The following INO80E variants were observed in gnomAD, a reference collection of about 807,000 sequenced individuals.
INO80E encodes coiled-coil domain containing 95.
Under a neutral mutation model 27.3 loss-of-function variants are expected in INO80E, and 20 were observed. The ratio of observed to expected loss-of-function variants is 0.73; its 90% confidence interval spans 0.51 to 1.06. The LOEUF is 1.06. INO80E is among the 50% of genes least tolerant of loss of function. The probability of loss-of-function intolerance (pLI) is 0.00; values close to 1 mark genes in which losing one functional copy is unlikely to be tolerated. For synonymous variants in INO80E, 167 were observed against 145.9 expected (o/e 1.14, Z -1.04); for missense variants, 357 against 322.8 (o/e 1.11, Z -0.81).
intron 5 of INO80E, 169 bp from the exon 6 acceptor site, chr16:30,001,245 C>T (rs1376644754): frequency 2.9e-5 from 44 of 1,494,888 alleles, no homozygotes; most frequent in Non-Finnish European, 3.8e-5. Context: ...GAGAGCAAAG[C>T]CCAGGACAGC....
rs540898779 is a variant in INO80E at position 30,005,466 on chromosome 16, C to T, written c.*24C>T. 316 of 1,571,952 alleles carry T rather than the reference C, an allele frequency of 2.0e-4. 3 individuals carry two copies. The South Asian group carries it at 3.5e-3, about 17-fold the overall frequency. On this transcript the variant is annotated 3_prime_UTR_variant, in exon 7 of 7. Transcript: ENST00000563197. ...GACCGTGACATCACGCCATGCCCAC[C>T]ACGGCCCCGCCCGGCGCCCTCCCCG...
At chr16:29,999,837 G>A (rs925993477) in intron 3 of INO80E, among the ~76,000 whole-genome samples, 1 of 152,194 alleles carries the variant, frequency 6.6e-6, no homozygotes, top group Admixed American at 6.5e-5. Flanking sequence ...TCACTCTGGG[G>A]TTGGGGGTGG....
Position 29,996,859 on chromosome 16 carries a change from G to C in INO80E, c.204G>C (p.Ser68=), listed in dbSNP as rs1452502326. 6.2e-7 allele frequency: 1 copy of C among 1,613,916 alleles called. No individual in the cohort carries two copies. The highest frequency in any genetic ancestry group is 8.5e-7 in the Non-Finnish European group (1 of 1,179,910). The part of the protein sequence containing the change: ...LQYENVDEDS[S]DSDATASSDN... ...ACGAGAACGTGGATGAAGACTCTTC[G>C]GGTGAGCAAGGTCTTCAAAAATTGG... The change falls in exon 3 of 7, where the codon TCG becomes TCC. Residue 68 remains serine (S), a splice_region_variant and synonymous_variant. Coordinates refer to ENST00000563197, the MANE Select transcript of INO80E (RefSeq NM_173618.3).
chr16:30,001,606 G>A, intron 6 of INO80E, 76 bp downstream of exon 6: 2 of 1,377,284 alleles, frequency 1.5e-6, no homozygotes, highest in Non-Finnish European at 2.0e-6. Flanking sequence ...GAAGGCGGGG[G>A]CCTGTCAGAG....
intron 1 of INO80E, 47 bp downstream of exon 1, chr16:29,996,438 AC>A (rs752907188): frequency 6.4e-7 from 1 of 1,556,766 alleles, no homozygotes; most frequent in Non-Finnish European, 8.7e-7. Context: ...CCTGGCGCGG[AC>A]AAGATCTCAG....
chr16:30,004,466 G>A (rs1287074462), intron 6 of INO80E: 1 of 152,846 alleles, frequency 6.5e-6, no homozygotes, highest in Non-Finnish European at 1.5e-5. Flanking sequence ...CTGACAAATA[G>A]AGCAGGATGC....
chr16:30,001,375 C>T (rs1271553049), intron 5 of INO80E, 39 bp from the exon 6 acceptor site: 4 of 1,550,420 alleles, frequency 2.6e-6, no homozygotes, highest in Non-Finnish European at 3.5e-6. Context: ...CACCCCGGTC[C>T]ATTCCGCCTC....
rs1229604798 is a variant in INO80E, at chr16:30,003,657, AT to A, written c.514-1562del. ...CTCTCTTTCTCCATTCAGTGGCGGC[AT>A]TGTGCGGAGAATGTGAGTGAAGGGA... On this transcript the variant is annotated intron_variant, in intron 6 of 6. Transcript: ENST00000563197. This position sits in a 1 kb window ranked among gnomAD's most constrained non-coding sequence, Gnocchi z 4.4. The A allele has an allele frequency of 6.6e-6, 1 of 152,180 alleles. No homozygotes were observed. Among genetic ancestry groups the A allele is most frequent in the African/African-American group, 2.4e-5 (1 of 41,422 alleles). The allele number at this position is 152,180 out of a possible 1,614,324, so 9.4% of individuals were successfully genotyped here.
chr16:30,005,482 G>A lies in INO80E; in HGVS notation c.*40G>A, dbSNP rs149145925. ...CATGCCCACCACGGCCCCGCCCGGC[G>A]CCCTCCCCGTGCCAGCACACACGAG... On this transcript the variant is annotated 3_prime_UTR_variant, in exon 7 of 7. Transcript: ENST00000563197. 3.6e-4 allele frequency: 551 copies of A among 1,546,218 alleles called. 4 individuals are homozygous for A. The East Asian group carries it at 0.01, about 29-fold the overall frequency.
In INO80E at chr16:30,003,465, A is replaced by C. The variant is rs2070420980; in HGVS notation, c.514-1756A>C. On this transcript the variant is annotated intron_variant, in intron 6 of 6. Transcript: ENST00000563197. This position sits in a 1 kb window ranked among gnomAD's most constrained non-coding sequence, Gnocchi z 4.4. ...GCGGGAGTCCCTGAAGGGCCAGGGG[A>C]GTGAGGAGATGGAAGGAAGGGAGTC... 6.6e-6 allele frequency: 1 copy of C among 152,014 alleles called. No homozygotes were observed. 9.4% of individuals were successfully genotyped at this position (152,014 alleles called of 1,614,324 possible).
In INO80E at chr16:30,005,539, CA is replaced by C; in HGVS notation, c.*98del. 4.3e-6 allele frequency: 5 copies of C among 1,154,204 alleles called. No homozygotes were observed. The highest frequency in any genetic ancestry group is 6.3e-6 in the Non-Finnish European group (5 of 798,784). 71.5% of individuals were successfully genotyped at this position (1,154,204 alleles called of 1,614,324 possible). A position where few individuals can be genotyped will look rare whatever the true frequency, so the allele number is the denominator to read the frequency against. On this transcript the variant is annotated 3_prime_UTR_variant, in exon 7 of 7. Coordinates refer to ENST00000563197, the MANE Select transcript of INO80E (RefSeq NM_173618.3). ...TTCCTCGGAGGTGTTTATTGATGCC[CA>C]GCTGCCATGCTCCGGCCACTGACAC...
Position 29,996,261 on chromosome 16 carries a change from T to A in INO80E, c.-50T>A. On this transcript the variant is annotated 5_prime_UTR_variant, in exon 1 of 7. Coordinates refer to ENST00000563197, the MANE Select transcript of INO80E (RefSeq NM_173618.3). ...GAGGCGGGAGCGGCACGGCAGCCAC[T>A]GCTTGGGGTAGCGGGAGGGCAGACT... 3 of 1,535,852 alleles carry A rather than the reference T, an allele frequency of 2.0e-6. No homozygotes were observed. The highest frequency in any genetic ancestry group is 2.6e-6 in the Non-Finnish European group (3 of 1,133,046).
chr16:29,997,168 A>AAGACCAGCC (rs2070157065), intron 3 of INO80E, among the ~76,000 whole-genome samples: 1 of 152,248 alleles, frequency 6.6e-6, no homozygotes, highest in African/African-American at 2.4e-5. Context: ...ATTTTAGGTC[A>AAGACCAGCC]TAGGAAGGAC....
At chr16:29,997,681 G>A (rs931891119) in intron 3 of INO80E, among the ~76,000 whole-genome samples, 3 of 151,544 alleles carry the variant, frequency 2.0e-5, no homozygotes, top group Non-Finnish European at 1.5e-5. Context: ...TTGAACCCTG[G>A]AGGCAGAGGT....
At chr16:30,004,438 G>A (rs1053601771) in intron 6 of INO80E, 4 of 152,878 alleles carry the variant, frequency 2.6e-5, no homozygotes, top group African/African-American at 7.2e-5. Context: ...CCCACCCTCA[G>A]AGGACAAAGC....
chr16:30,001,600 G>A, intron 6 of INO80E, 70 bp downstream of exon 6: 2 of 1,440,064 alleles, frequency 1.4e-6, no homozygotes, highest in South Asian at 1.2e-5. Flanking sequence ...GAGGCTGAAG[G>A]CGGGGGCCTG....
At chr16:30,001,333 C>T (rs1174228858) in intron 5 of INO80E, 81 bp from the exon 6 acceptor site, 2 of 1,509,880 alleles carry the variant, frequency 1.3e-6, no homozygotes, top group Admixed American at 2.1e-5. Flanking sequence ...GTTTTTCCAT[C>T]CTCCTTCTGT....
chr16:29,999,000 A>C (rs2070244408), intron 3 of INO80E, among the ~76,000 whole-genome samples: 1 of 151,302 alleles, frequency 6.6e-6, no homozygotes, highest in African/African-American at 2.4e-5. Flanking sequence ...AGCCGAGATT[A>C]CGCCACTGCA....
Position 30,000,979 on chromosome 16 carries a change from T to C in INO80E, c.335T>C (p.Leu112Pro). The change falls in exon 5 of 7, where the codon CTG (leucine) becomes CCG (proline). Residue 112 changes from leucine (L) to proline (P), a missense_variant. By Grantham distance (98) the Leu-to-Pro change is moderately conservative. Transcript: ENST00000563197. ...GGAPSPSSLS[L>P]PPSTGFPLQA... ...GCCCCCTCTCCCTCCAGCCTCTCCC[T>C]GCCTCCTTCAACAGGGTTTCCCCTT... The C allele has an allele frequency of 6.4e-7, 1 of 1,566,314 alleles. No individual in the cohort carries two copies. Among genetic ancestry groups the C allele is most frequent in the Non-Finnish European group, 8.7e-7 (1 of 1,154,246 alleles).
Sources: allele counts gnomAD v4.1 joint callset (sites outside exome capture counted in the v4.1 genomes callset), GRCh38; gene constraint gnomAD v4.1.1; non-coding constraint Gnocchi (gnomAD v3.1); transcripts MANE v1.5; gene names NCBI Gene and HGNC (gene_info 2026-07-23, HGNC 2026-07-21).